SYT1: variants seen among roughly 807,000 people sequenced by gnomAD.
SYT1 encodes synaptotagmin-1.
SYT1 carries 8 observed loss-of-function variants against 44.8 expected under a neutral mutation model. The ratio of observed to expected loss-of-function variants is 0.18; its 90% CI spans 0.10 to 0.32. The LOEUF (loss-of-function observed/expected upper bound fraction) is 0.32, where lower values mean the gene tolerates loss of function less well. Ranked by LOEUF, SYT1 falls within the 10% of genes least tolerant of loss-of-function variation. SYT1 has a pLI of 1.00. For missense variants in SYT1, 286 were observed against 509.3 expected, an observed-to-expected ratio of 0.56 and a Z score of 4.22; for synonymous variants, 154 against 188.8, an observed-to-expected ratio of 0.82 and a Z score of 1.51.
At chr12:79,380,999 A>T (rs1483983363) in intron 9 of SYT1, among the ~76,000 whole-genome samples, 1 of 152,178 alleles carries the variant, frequency 6.6e-6, no homozygotes, top group Non-Finnish European at 1.5e-5. Flanking sequence ...TCTTTCCCTC[A>T]TTTAATTCCT....
Position 79,349,057 on chromosome 12 carries a change from G to GAAA in SYT1, c.811-4445_811-4444insAAA, listed in dbSNP as rs1565920012. On this transcript the variant is annotated intron_variant, in intron 8 of 10. Transcript: ENST00000261205. ...AAAAAGAAAGAAAGAAAGAAAGAAA[G>GAAA]GAGGGAGGGAGGGAGGGAGGGAAGG... Among the ~76,000 whole-genome samples, 742 of 134,824 alleles carry GAAA rather than the reference G, an allele frequency of 5.5e-3. 5 individuals are homozygous for GAAA. The highest frequency in any genetic ancestry group is 0.018 in the African/African-American group (629 of 34,158). The allele number at this position is 134,824 out of a possible 152,430, so 88.4% of individuals were successfully genotyped here.
intron 5 of SYT1, among the ~76,000 whole-genome samples, chr12:79,291,273 C>T (rs1879567193): frequency 6.6e-6 from 1 of 152,060 alleles, no homozygotes; most frequent in Non-Finnish European, 1.5e-5. Context: ...AATTCTTATG[C>T]CAATTTGTTT....
Position 78,914,936 on chromosome 12 carries a change from G to T in SYT1, c.-217+49827G>T, listed in dbSNP as rs549760251. On this transcript the variant is annotated intron_variant, in intron 1 of 10. Coordinates refer to ENST00000261205, the MANE Select transcript of SYT1 (RefSeq NM_005639.3). ...ACATTAGTCATACAGAATGTTTGGG[G>T]ATTCCAAAGAGGGTGTGATGACTTC... 3.3e-5 allele frequency among the ~76,000 whole-genome samples: 5 copies of T among 152,150 alleles called. No individual in the cohort carries two copies. The South Asian group carries it at 1.0e-3, about 32-fold the overall frequency.
At chr12:79,147,061 G>A (rs763285958) in intron 3 of SYT1, among the ~76,000 whole-genome samples, 4 of 152,028 alleles carry the variant, frequency 2.6e-5, no homozygotes, top group African/African-American at 4.8e-5. Context: ...GGCTGGTCTC[G>A]AACTCCTCAC....
intron 1 of SYT1, among the ~76,000 whole-genome samples, chr12:78,944,170 A>G (rs1041456013): frequency 1.3e-5 from 2 of 151,632 alleles, no homozygotes; most frequent in Non-Finnish European, 2.9e-5. Context: ...TGTTCAGTGT[A>G]GCTGAAACAT....
chr12:79,035,952 A>AC (rs1360994105), intron 2 of SYT1, among the ~76,000 whole-genome samples: 16 of 121,916 alleles, frequency 1.3e-4, no homozygotes, highest in Admixed American at 4.2e-4. Context: ...AAACAAACAA[A>AC]AAAAAAAAAA....
intron 3 of SYT1, among the ~76,000 whole-genome samples, chr12:79,130,308 A>T: frequency 6.6e-6 from 1 of 152,202 alleles, no homozygotes; most frequent in African/African-American, 2.4e-5. Flanking sequence ...AGGCTTTTCT[A>T]TGAGCAAACT....
chr12:79,226,207 C>A (rs928757743), intron 4 of SYT1, among the ~76,000 whole-genome samples: 13 of 152,172 alleles, frequency 8.5e-5, no homozygotes, highest in Non-Finnish European at 1.8e-4. Context: ...ATGAAAGCAT[C>A]ATTTTAATGC....
rs553154569 is a variant in SYT1, at chr12:79,022,612, G to T, written c.-83-24685G>T. 4.1e-4 allele frequency among the ~76,000 whole-genome samples: 62 copies of T among 151,078 alleles called. 1 individual carries two copies. The highest frequency in any genetic ancestry group is 6.6e-4 in the Non-Finnish European group (45 of 67,688). The stretch of plus-strand genomic sequence containing the variant: ...ATTATTTGTTTTGTTTTGGAAAATT[G>T]TTTTAAATATATTAATTATGTTACA... On this transcript the variant is annotated intron_variant, in intron 2 of 10. Transcript: ENST00000261205.
At chr12:78,969,091 C>A (rs951413709) in intron 1 of SYT1, among the ~76,000 whole-genome samples, 2 of 152,100 alleles carry the variant, frequency 1.3e-5, no homozygotes, top group African/African-American at 2.4e-5. Flanking sequence ...CATGTAGAGA[C>A]TTTTTCATGT....
chr12:79,134,744 C>G (rs1403958015), intron 3 of SYT1, among the ~76,000 whole-genome samples: 1 of 152,046 alleles, frequency 6.6e-6, no homozygotes. Flanking sequence ...GGTATCAATT[C>G]CATGCCTAAC....
Position 79,285,660 on chromosome 12 carries a change from G to A in SYT1, c.167-127G>A, listed in dbSNP as rs1879272598. The A allele has an allele frequency of 1.2e-5, 8 of 647,426 alleles. No individual in the cohort carries two copies. The South Asian group carries it at 1.3e-4, about 10-fold the overall frequency. 40.1% of individuals were successfully genotyped at this position (647,426 alleles called of 1,614,324 possible). A position where few individuals can be genotyped will look rare whatever the true frequency, so the allele number is the denominator to read the frequency against. ...CATGGATAAAGTACTGAGGAATGGT[G>A]TACCTGCAGCATAACAGGTGCTCAA... On this transcript the variant is annotated intron_variant, in intron 4 of 10. Transcript: ENST00000261205.
intron 3 of SYT1, among the ~76,000 whole-genome samples, chr12:79,047,996 T>G (rs1874199495): frequency 2.6e-5 from 4 of 151,904 alleles, no homozygotes; most frequent in African/African-American, 9.7e-5. Context: ...GGTGACAATA[T>G]AAAATTTTCA....
In SYT1 at chr12:78,912,975, A is replaced by C. The variant is rs553844190; in HGVS notation, c.-217+47866A>C. Among the ~76,000 whole-genome samples, 280 of 152,022 alleles carry C rather than the reference A, an allele frequency of 1.8e-3. 2 individuals carry two copies. The highest frequency in any genetic ancestry group is 6.6e-3 in the African/African-American group (272 of 41,524). The stretch of plus-strand genomic sequence containing the variant: ...GACTGGAAAGTTATATTTTACTTCT[A>C]ATTATAAGTAAAGTTATTTTTAATA... On this transcript the variant is annotated intron_variant, in intron 1 of 10. Coordinates refer to ENST00000261205, the MANE Select transcript of SYT1 (RefSeq NM_005639.3).
At chr12:78,993,861 A>T (rs561985375) in intron 2 of SYT1, among the ~76,000 whole-genome samples, 35 of 152,326 alleles carry the variant, frequency 2.3e-4, no homozygotes, top group Non-Finnish European at 4.6e-4. Flanking sequence ...GCTCTTCCTC[A>T]TTCTCATACT....
chr12:78,887,916 T>G (rs1189415444), intron 1 of SYT1, among the ~76,000 whole-genome samples: 1 of 151,914 alleles, frequency 6.6e-6, no homozygotes, highest in Non-Finnish European at 1.5e-5. Context: ...TTTACACTGT[T>G]AAGATTTAAA....
intron 8 of SYT1, among the ~76,000 whole-genome samples, chr12:79,313,495 G>A (rs1219818223): frequency 1.3e-5 from 2 of 150,538 alleles, no homozygotes; most frequent in African/African-American, 4.9e-5. Flanking sequence ...CATGTACCAA[G>A]TTTTTGGTCC....
At chr12:79,155,315 G>A (rs1870526712) in intron 3 of SYT1, among the ~76,000 whole-genome samples, 2 of 152,172 alleles carry the variant, frequency 1.3e-5, no homozygotes, top group African/African-American at 4.8e-5. Context: ...TAGAGGCTCT[G>A]TCTCTGAATA....
intron 9 of SYT1, among the ~76,000 whole-genome samples, chr12:79,421,858 G>C (rs1869142961): frequency 6.6e-6 from 1 of 151,810 alleles, no homozygotes; most frequent in African/African-American, 2.4e-5. Context: ...CCTAGAACAT[G>C]GTATGTTCTT....
Sources: allele counts gnomAD v4.1 joint callset (sites outside exome capture counted in the v4.1 genomes callset), GRCh38; gene constraint gnomAD v4.1.1; transcripts MANE v1.5; gene names NCBI Gene and HGNC (gene_info 2026-07-23, HGNC 2026-07-21).